AGMAT: variants seen among roughly 807,000 people sequenced by gnomAD.
The protein encoded by AGMAT is guanidino acid hydrolase, mitochondrial.
In AGMAT, 37 loss-of-function variants were observed where a neutral mutation model predicts 29.3. The ratio of observed to expected loss-of-function variants is 1.26; its 90% CI spans 0.97 to 1.66. The LOEUF is 1.66. AGMAT is among the 40% of genes most tolerant of loss of function. AGMAT has a pLI of 0.00. For missense variants in AGMAT, 498 were observed against 497.8 expected (o/e 1.00, Z 0.00); for synonymous variants, 199 against 200.8 (o/e 0.99, Z 0.08).
At chr1:15,576,740 C>CTTTTTTTTTATTTTTTT (rs1639044437) in intron 5 of AGMAT, among the ~76,000 whole-genome samples, 1 of 35,796 alleles carries the variant, frequency 2.8e-5, no homozygotes, top group Non-Finnish European at 5.0e-5. Flanking sequence ...GTTTAGTGTT[C>CTTTTTTTTTATTTTTTT]TTTTTTTTTT....
At chr1:15,576,740 C>CTTTTTTTGTTTTTTTTTTTTTTTTTT (rs1639044325) in intron 5 of AGMAT, among the ~76,000 whole-genome samples, 1 of 35,796 alleles carries the variant, frequency 2.8e-5, no homozygotes, top group Non-Finnish European at 5.0e-5. Flanking sequence ...GTTTAGTGTT[C>CTTTTTTTGTTTTTTTTTTTTTTTTTT]TTTTTTTTTT....
At position 15,578,011 on chromosome 1, in the gene AGMAT, G is replaced by A. The variant is rs1639062667; in HGVS notation, c.721-147C>T. ...ACTATCCTATTTTACAGGTGAGGAAGGGAGGGACAATGAGTGGTAAGGAAG... is the reference window on the plus strand; with the variant it reads ...ACTATCCTATTTTACAGGTGAGGAAAGGAGGGACAATGAGTGGTAAGGAAG... On this transcript the variant is annotated intron_variant, in intron 4 of 6. Transcript: ENST00000375826. The A allele has an allele frequency of 3.8e-6, 3 of 784,412 alleles. No individual in the cohort carries two copies. The South Asian group carries it at 6.0e-5, about 16-fold the overall frequency. The allele number at this position is 784,412 out of a possible 1,614,324, so 48.6% of individuals were successfully genotyped here.
intron 6 of AGMAT, among the ~76,000 whole-genome samples, chr1:15,574,149 T>G (rs1271035529): frequency 6.6e-6 from 1 of 152,182 alleles, no homozygotes; most frequent in East Asian, 1.9e-4. Context: ...TAGAATTCAC[T>G]TTGCAATGAA....
chr1:15,584,744 A>G lies in AGMAT; in HGVS notation c.224T>C (p.Phe75Ser), dbSNP rs1049499381. 19 of 1,347,754 alleles carry G rather than the reference A, an allele frequency of 1.4e-5. No homozygotes were observed. Among genetic ancestry groups the G allele is most frequent in the Non-Finnish European group, 1.8e-5 (19 of 1,044,332 alleles). The allele number at this position is 1,347,754 out of a possible 1,614,324, so 83.5% of individuals were successfully genotyped here. A position where few individuals can be genotyped will look rare whatever the true frequency, so the allele number is the denominator to read the frequency against. ...CCCAGTATCCAGGGGCACCCCGATG[A>G]AGGCAGCGTCCAGCCCCTCGGGGGA... ...QTSPEGLDAA[F>S]IGVPLDTGTS... The change falls in exon 1 of 7, where the codon TTC becomes TCC. Residue 75 changes from phenylalanine (F) to serine (S), a missense_variant. By Grantham distance (155) the Phe-to-Ser change is radical. Transcript: ENST00000375826.
In AGMAT at chr1:15,574,944, G is replaced by T. The variant is rs1639016247; in HGVS notation, c.901-103C>A. On this transcript the variant is annotated intron_variant, in intron 5 of 6. Transcript: ENST00000375826. ...CCACGCCACCCTTTGACTTGGAATT[G>T]GCTTTCCCTCCATAAACATTTGTTG... The T allele has an allele frequency of 9.2e-6, 8 of 873,868 alleles. No individual in the cohort carries two copies. The South Asian group carries it at 1.0e-4, about 11-fold the overall frequency. 54.1% of individuals were successfully genotyped at this position (873,868 alleles called of 1,614,324 possible). A position where few individuals can be genotyped will look rare whatever the true frequency, so the allele number is the denominator to read the frequency against.
At position 15,578,954 on chromosome 1, in the gene AGMAT, C is replaced by T; in HGVS notation, c.625G>A (p.Val209Met). Reference sequence around the variant, plus strand: ...TTACAGTCCAGGAGACCCTCATCCACACACCGGCGGAAGGGCGCCCCGTGG... The same window carrying T: ...TTACAGTCCAGGAGACCCTCATCCATACACCGGCGGAAGGGCGCCCCGTGG... ...LYHGAPFRRC[V>M]DEGLLDCKRV... The change falls in exon 4 of 7, where the codon GTG (valine) becomes ATG (methionine). Residue 209 changes from valine to methionine, a missense_variant. Val to Met is a conservative substitution (Grantham distance 21). Transcript: ENST00000375826. 6.2e-7 allele frequency: 1 copy of T among 1,614,200 alleles called. No homozygotes were observed. The highest frequency in any genetic ancestry group is 8.5e-7 in the Non-Finnish European group (1 of 1,180,032).
intron 4 of AGMAT, among the ~76,000 whole-genome samples, chr1:15,578,623 C>T (rs11577861): frequency 0.048 from 7,276 of 151,932 alleles, 580 homozygotes; most frequent in African/African-American, 0.16. Context: ...CAGCACCGTC[C>T]GAGGGGTTGG....
intron 5 of AGMAT, chr1:15,575,208 G>A (rs567835173): frequency 1.7e-3 from 291 of 167,876 alleles, no homozygotes; most frequent in African/African-American, 6.5e-3. Context: ...CAGGCAGAGG[G>A]AAAAACACAG....
chr1:15,583,443 A>T (rs1305292092), intron 1 of AGMAT, 48 bp from the exon 2 acceptor site: 1 of 1,564,306 alleles, frequency 6.4e-7, no homozygotes, highest in East Asian at 2.3e-5. Context: ...CAGAGATTTC[A>T]GGCTTTGCTT....
intron 2 of AGMAT, among the ~76,000 whole-genome samples, chr1:15,581,298 A>G (rs1231611661): frequency 1.3e-5 from 2 of 152,034 alleles, no homozygotes; most frequent in Non-Finnish European, 2.9e-5. Flanking sequence ...GCAGCGAGCC[A>G]TGTCGGCACC....
At chr1:15,578,176 T>G (rs111549833) in intron 4 of AGMAT, among the ~76,000 whole-genome samples, 1,656 of 152,258 alleles carry the variant, frequency 0.011, 12 homozygotes, top group Middle Eastern at 0.031. Flanking sequence ...AAGCAAGGGA[T>G]TTGGGTCTGT....
chr1:15,578,858 C>T lies in AGMAT; in HGVS notation c.720+1G>A. On this transcript the variant is annotated splice_donor_variant, in intron 4 of 6. Transcript: ENST00000375826. LOFTEE classifies it high-confidence loss of function. ...AGGGTGGGGGGCATTCGGTCTGTCACCTGGCTCCGGTTGTATCTGTAGGGA... is the reference window on the plus strand; with the variant it reads ...AGGGTGGGGGGCATTCGGTCTGTCATCTGGCTCCGGTTGTATCTGTAGGGA... 6.2e-7 allele frequency: 1 copy of T among 1,612,934 alleles called. No homozygotes were observed. Among genetic ancestry groups the T allele is most frequent in the Non-Finnish European group, 8.5e-7 (1 of 1,179,088 alleles).
chr1:15,581,588 A>G (rs1184827376), intron 2 of AGMAT, among the ~76,000 whole-genome samples: 2 of 151,648 alleles, frequency 1.3e-5, no homozygotes, highest in Non-Finnish European at 2.9e-5. Context: ...ATTAATTTGA[A>G]TTTAGGCCGG....
At chr1:15,577,195 A>G (rs1432419789) in intron 5 of AGMAT, among the ~76,000 whole-genome samples, 1 of 152,156 alleles carries the variant, frequency 6.6e-6, no homozygotes, top group Non-Finnish European at 1.5e-5. Context: ...GGCCCTTGCC[A>G]AAATCAATCA....
chr1:15,583,219 G>A lies in AGMAT; in HGVS notation c.449C>T (p.Ala150Val). ...RIQEAYEKIV[A>V]AGCIPLTLGG... Reference sequence around the variant, plus strand: ...CAAGGTCAGAGGAATACAGCCAGCTGCTACAATTTTCTCATAGGCCTCTTG... The same window carrying A: ...CAAGGTCAGAGGAATACAGCCAGCTACTACAATTTTCTCATAGGCCTCTTG... The change falls in exon 2 of 7, where the codon GCA becomes GTA. Residue 150 changes from alanine to valine, a missense_variant. By Grantham distance (64) the Ala-to-Val change is moderately conservative. Transcript: ENST00000375826. 6.2e-7 allele frequency: 1 copy of A among 1,614,064 alleles called. No individual in the cohort carries two copies. Among genetic ancestry groups the A allele is most frequent in the Non-Finnish European group, 8.5e-7 (1 of 1,180,028 alleles).
rs1462066932 is a variant in AGMAT at position 15,583,184 on chromosome 1, T to C, written c.475+9A>G. On this transcript the variant is annotated intron_variant, in intron 2 of 6. Transcript: ENST00000375826. ...GGGAACTACTCTGGCTCTTGCAGAC[T>C]GACATTACCCAAGGTCAGAGGAATA... is the stretch of plus-strand genomic sequence containing the variant. The C allele has an allele frequency of 6.2e-7, 1 of 1,613,812 alleles. No individual in the cohort carries two copies. Among genetic ancestry groups the C allele is most frequent in the Admixed American group, 1.7e-5 (1 of 60,012 alleles).
rs1326016313 is a variant in AGMAT, at chr1:15,584,820, C to A, written c.148G>T (p.Val50Leu). Residue 50 changes from valine (V) to leucine (L), a missense_variant, in exon 1 of 7, where the codon GTG becomes TTG. By Grantham distance (32) the Val-to-Leu change is conservative. Transcript: ENST00000375826. The stretch of plus-strand genomic sequence containing the variant: ...GAGCAGACGCCCACCGGCCGGGCCA[C>A]GAACTCGGGGCTGGGGGGCTGGTTC... ...PRNQPPSPEF[V>L]ARPVGVCSMM... The A allele has an allele frequency of 2.1e-6, 3 of 1,414,846 alleles. No homozygotes were observed. In the African/African-American group the frequency reaches 4.5e-5, roughly 21 times the overall value. The allele number at this position is 1,414,846 out of a possible 1,614,324, so 87.6% of individuals were successfully genotyped here. A position where few individuals can be genotyped will look rare whatever the true frequency, so the allele number is the denominator to read the frequency against.
In AGMAT at chr1:15,578,297, CTTTTT is replaced by C. The variant is rs113144511; in HGVS notation, c.721-438_721-434del. On this transcript the variant is annotated intron_variant, in intron 4 of 6. Coordinates refer to ENST00000375826, the MANE Select transcript of AGMAT (RefSeq NM_024758.5). ...ATCTTGGGTCCGGACTTCCTCCCCT[CTTTTT>C]TTTTTCTTTTGAGATGGAGTCTCAC... Among the ~76,000 whole-genome samples the C allele has an allele frequency of 2.2e-4, 33 of 149,300 alleles. 1 individual carries two copies. The South Asian group carries it at 5.5e-3, about 25-fold the overall frequency.
chr1:15,579,688 G>A (rs1452383357), intron 3 of AGMAT, among the ~76,000 whole-genome samples: 10 of 152,196 alleles, frequency 6.6e-5, no homozygotes. Context: ...GATTGAGAAA[G>A]GTGCCCTTTC....
Sources: allele counts gnomAD v4.1 joint callset (sites outside exome capture counted in the v4.1 genomes callset), GRCh38; gene constraint gnomAD v4.1.1; transcripts MANE v1.5; gene names NCBI Gene and HGNC (gene_info 2026-07-23, HGNC 2026-07-21).